DMXL2: variants seen among roughly 807,000 people sequenced by gnomAD.
The protein encoded by DMXL2 is dmX-like protein 2.
DMXL2 carries 103 observed loss-of-function variants against 331.1 expected under a neutral mutation model. The ratio of observed to expected loss-of-function variants is 0.31; its 90% CI spans 0.27 to 0.37. The LOEUF is 0.37. Among genes scored for constraint, DMXL2 ranks in the 10% least tolerant of loss-of-function variants. The probability of loss-of-function intolerance (pLI) is 1.00; values close to 1 mark genes in which losing one functional copy is unlikely to be tolerated. For synonymous variants in DMXL2, 1,281 were observed against 1,252.1 expected, an observed-to-expected ratio of 1.02 and a Z score of -0.49; for missense variants, 3,171 against 3,642.9, an observed-to-expected ratio of 0.87 and a Z score of 3.33.
intron 1 of DMXL2, among the ~76,000 whole-genome samples, chr15:51,595,290 G>A (rs113217035): frequency 2.9e-4 from 44 of 152,302 alleles, no homozygotes; most frequent in African/African-American, 1.0e-3. Context: ...GACAAACAGA[G>A]AGCCAAATCA....
At chr15:51,530,964 C>G (rs560988231) in intron 13 of DMXL2, among the ~76,000 whole-genome samples, 1 of 152,122 alleles carries the variant, frequency 6.6e-6, no homozygotes, top group African/African-American at 2.4e-5. Flanking sequence ...CTACCCCAAG[C>G]AATCTACAGA....
intron 1 of DMXL2, among the ~76,000 whole-genome samples, chr15:51,613,867 G>A (rs2054127626): frequency 6.6e-6 from 1 of 152,142 alleles, no homozygotes; most frequent in Admixed American, 6.5e-5. Flanking sequence ...TCCTTTGGTT[G>A]AGCTGAGATT....
intron 1 of DMXL2, among the ~76,000 whole-genome samples, chr15:51,582,478 T>A (rs2051498297): frequency 6.6e-6 from 1 of 152,174 alleles, no homozygotes; most frequent in African/African-American, 2.4e-5. Context: ...GATGGTTACT[T>A]GGCTGTACCA....
chr15:51,609,384 G>A (rs1428782536), intron 1 of DMXL2, among the ~76,000 whole-genome samples: 1 of 152,208 alleles, frequency 6.6e-6, no homozygotes, highest in Admixed American at 6.5e-5. Context: ...ATGTTTTACA[G>A]TCATGTGCCA....
At chr15:51,551,589 T>C (rs2049226000) in intron 6 of DMXL2, among the ~76,000 whole-genome samples, 1 of 151,116 alleles carries the variant, frequency 6.6e-6, no homozygotes, top group African/African-American at 2.5e-5. Context: ...CTCAAGGGCT[T>C]TCCAACCATT....
chr15:51,490,065 C>T (rs759663103), intron 20 of DMXL2, among the ~76,000 whole-genome samples: 1 of 152,172 alleles, frequency 6.6e-6, no homozygotes, highest in Admixed American at 6.5e-5. Context: ...TCATTTATAT[C>T]CTTTAACAAT....
intron 15 of DMXL2, among the ~76,000 whole-genome samples, chr15:51,508,597 T>C (rs902855147): frequency 6.6e-6 from 1 of 152,200 alleles, no homozygotes; most frequent in Admixed American, 6.5e-5. Context: ...TGTATGTATA[T>C]TATAGTTCAT....
rs1338310633 is a variant in DMXL2, at chr15:51,450,108, C to T, written c.8967+21G>A. 1.9e-6 allele frequency: 3 copies of T among 1,607,082 alleles called. No individual in the cohort carries two copies. In the South Asian group the frequency reaches 3.3e-5, roughly 18 times the overall value. ...TTTCCAATCAGTCTTTAGCACATTC[C>T]AACCTCTTGTACTGACTCACCTTTA... is the stretch of plus-strand genomic sequence containing the variant. On this transcript the variant is annotated intron_variant, in intron 43 of 43. Transcript: ENST00000560891.
chr15:51,455,929 GA>G, intron 39 of DMXL2, 136 bp downstream of exon 39: 1 of 983,350 alleles, frequency 1.0e-6, no homozygotes, highest in Admixed American at 2.2e-5. Flanking sequence ...GAGAGTGTAT[GA>G]ATAGACTCCA....
At chr15:51,572,066 G>A (rs868606915) in intron 2 of DMXL2, among the ~76,000 whole-genome samples, 2 of 151,936 alleles carry the variant, frequency 1.3e-5, no homozygotes, top group African/African-American at 2.4e-5. Context: ...AAAAAGAGAA[G>A]AATCAAATAG....
chr15:51,515,940 G>C (rs990956123), intron 14 of DMXL2, among the ~76,000 whole-genome samples: 1 of 152,110 alleles, frequency 6.6e-6, no homozygotes, highest in Non-Finnish European at 1.5e-5. Context: ...TGGGGCACTG[G>C]GGATTAAAAA....
chr15:51,497,066 C>T (rs2140472877), intron 18 of DMXL2, among the ~76,000 whole-genome samples: 1 of 152,302 alleles, frequency 6.6e-6, no homozygotes, highest in South Asian at 2.1e-4. Flanking sequence ...TAATGTCCCA[C>T]AGTAAAAACT....
At chr15:51,590,115 G>A (rs760489586) in intron 1 of DMXL2, among the ~76,000 whole-genome samples, 11 of 152,210 alleles carry the variant, frequency 7.2e-5, no homozygotes, top group Admixed American at 3.9e-4. Context: ...TGGATCTGGC[G>A]TTGACACTTG....
chr15:51,521,286 C>T (rs2047347467), intron 13 of DMXL2, among the ~76,000 whole-genome samples: 1 of 151,970 alleles, frequency 6.6e-6, no homozygotes, highest in Non-Finnish European at 1.5e-5. Context: ...GCTTCAGTGT[C>T]CTTACCTCTA....
chr15:51,615,785 T>C (rs913103429), intron 1 of DMXL2, among the ~76,000 whole-genome samples: 2 of 152,218 alleles, frequency 1.3e-5, no homozygotes, highest in Non-Finnish European at 2.9e-5. Flanking sequence ...TATGAAGAAG[T>C]TGCTAGCACA....
chr15:51,506,704 C>A (rs755141585), intron 16 of DMXL2, among the ~76,000 whole-genome samples: 16 of 151,688 alleles, frequency 1.1e-4, no homozygotes, highest in Non-Finnish European at 1.8e-4. Context: ...CCGCCCACCT[C>A]GGCCTCCCAG....
At chr15:51,607,483 A>G (rs541839923) in intron 1 of DMXL2, among the ~76,000 whole-genome samples, 1 of 152,248 alleles carries the variant, frequency 6.6e-6, no homozygotes, top group South Asian at 2.1e-4. Flanking sequence ...AAAAAAAGAT[A>G]GAAAACATGG....
intron 23 of DMXL2, among the ~76,000 whole-genome samples, chr15:51,482,415 T>A (rs1405426996): frequency 6.6e-6 from 1 of 152,094 alleles, no homozygotes; most frequent in Non-Finnish European, 1.5e-5. Context: ...GACACAAACT[T>A]AACATCTAAG....
chr15:51,491,310 G>A (rs1168673999), intron 20 of DMXL2, among the ~76,000 whole-genome samples: 2 of 152,024 alleles, frequency 1.3e-5, no homozygotes, highest in Admixed American at 6.5e-5. Flanking sequence ...ATGTGGTGGC[G>A]CACGCCTGTA....
Sources: allele counts gnomAD v4.1 joint callset (sites outside exome capture counted in the v4.1 genomes callset), GRCh38; gene constraint gnomAD v4.1.1; transcripts MANE v1.5; gene names NCBI Gene and HGNC (gene_info 2026-07-23, HGNC 2026-07-21).